Variants in PDK3 observed in about 807,000 individuals in gnomAD.
PDK3 encodes the protein pyruvate dehydrogenase kinase 3.
In PDK3, 12 loss-of-function variants were observed where a neutral mutation model predicts 32.0. That is an observed-to-expected ratio of 0.37 (90% CI 0.24 to 0.61). PDK3 has a LOEUF of 0.61. Among genes scored for constraint, PDK3 ranks in the 20% least tolerant of loss-of-function variants. The pLI, the probability that PDK3 is intolerant of heterozygous loss-of-function variation, is 0.65. For synonymous variants in PDK3, 122 were observed against 116.3 expected, an observed-to-expected ratio of 1.05 and a Z score of -0.31; for missense variants, 188 against 316.9, an observed-to-expected ratio of 0.59 and a Z score of 3.09.
In PDK3 at chrX:24,465,414, C is replaced by T; in HGVS notation, c.-42C>T. The T allele has an allele frequency of 9.7e-7, 1 of 1,035,388 alleles. No homozygotes were observed. Among genetic ancestry groups the T allele is most frequent in the East Asian group, 3.2e-5 (1 of 31,129 alleles). 85.3% of individuals were successfully genotyped at this position (1,035,388 alleles called of 1,213,427 possible). On this transcript the variant is annotated 5_prime_UTR_variant, in exon 1 of 11. Transcript: ENST00000379162. ...GCTTGGCTGCGCCAGCCCTTGCGGC[C>T]ACCCGGGCGTCTAGGCGGGTCTGTG...
At chrX:24,545,069 C>A (rs1468189452) in exon 12 of PDK3, among the ~76,000 whole-genome samples, 2 of 111,999 alleles carry the variant, frequency 1.8e-5, no homozygotes, top group African/African-American at 6.5e-5. Context: ...TTTTAATGAA[C>A]TTAAGTTATC....
intron 5 of PDK3, among the ~76,000 whole-genome samples, chrX:24,518,531 G>A (rs1443723229): frequency 9.1e-6 from 1 of 110,193 alleles, no homozygotes; most frequent in Non-Finnish European, 1.9e-5. Flanking sequence ...TAAGAAAAGA[G>A]AGATTGGCTG....
chrX:24,509,665 C>G (rs1413285573), intron 5 of PDK3, among the ~76,000 whole-genome samples: 1 of 111,600 alleles, frequency 9.0e-6, no homozygotes, highest in Non-Finnish European at 1.9e-5. Context: ...AGGAAAAAAA[C>G]AGTGGAGGTG....
At chrX:24,472,447 C>T (rs1261928252) in intron 1 of PDK3, among the ~76,000 whole-genome samples, 1 of 111,370 alleles carries the variant, frequency 9.0e-6, no homozygotes, top group Non-Finnish European at 1.9e-5. Context: ...GAAATTTAGC[C>T]TCTGAATTGA....
chrX:24,482,948 T>TA (rs971928644), intron 1 of PDK3, among the ~76,000 whole-genome samples: 1 of 112,572 alleles, frequency 8.9e-6, no homozygotes, highest in Non-Finnish European at 1.9e-5. Flanking sequence ...GCATAGTGCA[T>TA]AACACATGGT....
At chrX:24,474,352 C>T (rs1395067622) in intron 1 of PDK3, among the ~76,000 whole-genome samples, 2 of 109,728 alleles carry the variant, frequency 1.8e-5, no homozygotes, top group Non-Finnish European at 3.8e-5. Context: ...AAACATTATG[C>T]CACTTTCATT....
intron 1 of PDK3, among the ~76,000 whole-genome samples, chrX:24,486,323 C>T (rs1380568809): frequency 9.0e-6 from 1 of 111,361 alleles, no homozygotes; most frequent in Non-Finnish European, 1.9e-5. Context: ...GATGGGCAGT[C>T]CTAGTTGTGC....
chrX:24,488,571 C>A (rs1921465381), intron 1 of PDK3, among the ~76,000 whole-genome samples: 3 of 111,366 alleles, frequency 2.7e-5, no homozygotes, highest in African/African-American at 9.8e-5. Context: ...TGCCTGTAAT[C>A]CCAGCTACTC....
chrX:24,512,461 A>G (rs1922145692), intron 5 of PDK3, among the ~76,000 whole-genome samples: 1 of 111,837 alleles, frequency 8.9e-6, no homozygotes, highest in Non-Finnish European at 1.9e-5. Context: ...ACAGAGACCC[A>G]CTCACGCTAG....
intron 1 of PDK3, among the ~76,000 whole-genome samples, chrX:24,477,442 T>C (rs960382606): frequency 1.8e-5 from 2 of 112,018 alleles, no homozygotes; most frequent in African/African-American, 6.5e-5. Flanking sequence ...AAAGTAATTA[T>C]CAAAGTATAA....
At chrX:24,467,636 G>T (rs1314251413) in intron 1 of PDK3, among the ~76,000 whole-genome samples, 1 of 112,235 alleles carries the variant, frequency 8.9e-6, no homozygotes, top group Non-Finnish European at 1.9e-5. Context: ...TTGCAAAAAG[G>T]CCATCTCTAC....
At chrX:24,472,714 T>G (rs1248166101) in intron 1 of PDK3, among the ~76,000 whole-genome samples, 3 of 99,840 alleles carry the variant, frequency 3.0e-5, no homozygotes, top group Non-Finnish European at 6.1e-5. Flanking sequence ...GAGACGGAGT[T>G]TTTGCTCATG....
At chrX:24,486,556 T>G (rs921663396) in intron 1 of PDK3, among the ~76,000 whole-genome samples, 5 of 111,581 alleles carry the variant, frequency 4.5e-5, no homozygotes, top group Non-Finnish European at 9.4e-5. Context: ...TTTGGGGCAC[T>G]GAATTTGATA....
chrX:24,490,743 A>G (rs896190249), intron 1 of PDK3, among the ~76,000 whole-genome samples: 3 of 110,851 alleles, frequency 2.7e-5, no homozygotes, highest in Non-Finnish European at 5.7e-5. Flanking sequence ...TTCTGAAACC[A>G]TCTAGATCTG....
At chrX:24,489,477 G>C (rs1254831642) in intron 1 of PDK3, among the ~76,000 whole-genome samples, 1 of 110,609 alleles carries the variant, frequency 9.0e-6, no homozygotes, top group East Asian at 2.8e-4. Flanking sequence ...TTAAGGTCAG[G>C]AGTTGGAGAC....
intron 1 of PDK3, among the ~76,000 whole-genome samples, chrX:24,468,103 A>G (rs1450711372): frequency 8.9e-6 from 1 of 112,053 alleles, no homozygotes; most frequent in African/African-American, 3.2e-5. Context: ...AAGGAGATAC[A>G]CAGGATATAC....
chrX:24,480,426 C>T (rs1231077505), intron 1 of PDK3, among the ~76,000 whole-genome samples: 2 of 112,271 alleles, frequency 1.8e-5, no homozygotes, highest in African/African-American at 6.5e-5. Context: ...GTCCATGGTT[C>T]TCAGTCCTGG....
At chrX:24,517,478 C>T (rs1001020014) in intron 5 of PDK3, among the ~76,000 whole-genome samples, 3 of 112,537 alleles carry the variant, frequency 2.7e-5, no homozygotes, top group Non-Finnish European at 5.6e-5. Context: ...CCACCTCGGC[C>T]TCCCAAAGTC....
intron 1 of PDK3, among the ~76,000 whole-genome samples, chrX:24,483,455 A>T (rs1345212552): frequency 2.7e-5 from 3 of 111,548 alleles, no homozygotes; most frequent in Non-Finnish European, 5.7e-5. Context: ...TGAACACATC[A>T]TGTCTCTTCC....
Sources: gnomAD v4.1 joint callset for allele counts (sites outside exome capture counted in the v4.1 genomes callset) on GRCh38, gnomAD v4.1.1 for gene constraint, MANE v1.5 for transcripts, NCBI Gene and HGNC (gene_info 2026-07-23, HGNC 2026-07-21) for gene names.